The following PKNOX1 variants were observed in gnomAD, a reference collection of about 807,000 sequenced individuals.
PKNOX1 encodes homeobox protein PKNOX1.
Under a neutral mutation model 51.9 loss-of-function variants are expected in PKNOX1, and 15 were observed. The ratio of observed to expected loss-of-function variants is 0.29; its 90% confidence interval spans 0.19 to 0.45. The LOEUF (loss-of-function observed/expected upper bound fraction) is 0.45. Among genes scored for constraint, PKNOX1 ranks in the 20% least tolerant of loss-of-function variants. PKNOX1 has a pLI of 1.00. For synonymous variants in PKNOX1, 219 were observed against 211.1 expected, an observed-to-expected ratio of 1.04 and a Z score of -0.32; for missense variants, 462 against 547.5, an observed-to-expected ratio of 0.84 and a Z score of 1.56.
intron 1 of PKNOX1, among the ~76,000 whole-genome samples, chr21:42,982,894 C>G (rs2059033984): frequency 6.6e-6 from 1 of 152,046 alleles, no homozygotes; most frequent in African/African-American, 2.4e-5. Context: ...CCTGCAACCT[C>G]TGCCTCCCGG....
chr21:43,014,956 G>GA (rs1195659203), intron 5 of PKNOX1, among the ~76,000 whole-genome samples: 26 of 152,328 alleles, frequency 1.7e-4, no homozygotes, highest in Middle Eastern at 6.8e-3. Context: ...TCAATCTGGG[G>GA]AGAATTGACA....
intron 1 of PKNOX1, among the ~76,000 whole-genome samples, chr21:42,979,153 A>T (rs1451983157): frequency 6.6e-6 from 1 of 152,242 alleles, no homozygotes; most frequent in Admixed American, 6.5e-5. Flanking sequence ...AATCCTTTCA[A>T]GCCGCCTTCC....
Position 43,024,638 on chromosome 21 carries a change from C to G in PKNOX1, c.850-233C>G, listed in dbSNP as rs912426284. 2.7e-5 allele frequency: 13 copies of G among 486,792 alleles called. No individual in the cohort carries two copies. The East Asian group carries it at 4.6e-4, about 17-fold the overall frequency. 30.2% of individuals were successfully genotyped at this position (486,792 alleles called of 1,614,324 possible). On this transcript the variant is annotated intron_variant, in intron 8 of 10. Transcript: ENST00000291547. ...TTATCGTCACCGCTGAACCGTTAAACGTGGGGGGCGGTCTGCCTTGGCCTA... is the reference window on the plus strand; with the variant it reads ...TTATCGTCACCGCTGAACCGTTAAAGGTGGGGGGCGGTCTGCCTTGGCCTA...
intron 1 of PKNOX1, among the ~76,000 whole-genome samples, chr21:42,975,887 A>G (rs2058994549): frequency 6.6e-6 from 1 of 152,252 alleles, no homozygotes; most frequent in African/African-American, 2.4e-5. Flanking sequence ...GTCTACTTTC[A>G]TGATTTTTCC....
chr21:43,020,066 G>T (rs1241872660), intron 7 of PKNOX1, among the ~76,000 whole-genome samples: 1 of 151,854 alleles, frequency 6.6e-6, no homozygotes, highest in African/African-American at 2.4e-5. Flanking sequence ...CTGAGTAGTG[G>T]GACTACAGGC....
In PKNOX1 at chr21:43,028,666, G is replaced by T. The variant is rs901847270; in HGVS notation, c.927-36G>T. On this transcript the variant is annotated intron_variant, in intron 9 of 10. Coordinates refer to ENST00000291547, the MANE Select transcript of PKNOX1 (RefSeq NM_004571.5). ...AATCCTGTATAGGGTCTTTACGAAG[G>T]CTGTTTTCATGGAAGCTTCTCTTTG... The T allele has an allele frequency of 8.7e-6, 14 of 1,601,508 alleles. No homozygotes were observed. The South Asian group carries it at 1.3e-4, about 15-fold the overall frequency.
At chr21:43,025,211 C>T (rs1568905180) in intron 9 of PKNOX1, among the ~76,000 whole-genome samples, 1 of 152,114 alleles carries the variant, frequency 6.6e-6, no homozygotes, top group Non-Finnish European at 1.5e-5. Flanking sequence ...TTTTAATGGG[C>T]AATGGGAGCA....
chr21:43,019,984 G>A lies in PKNOX1; in HGVS notation c.721-1319G>A, dbSNP rs546479424. The stretch of plus-strand genomic sequence containing the variant: ...GTCTCGCTCTGTTACCCAGGCTGGA[G>A]TATAGTGGCACAAACACAGCTCACT... On this transcript the variant is annotated intron_variant, in intron 7 of 10. Coordinates refer to ENST00000291547, the MANE Select transcript of PKNOX1 (RefSeq NM_004571.5). Among the ~76,000 whole-genome samples, 3 of 136,492 alleles carry A rather than the reference G, an allele frequency of 2.2e-5. No homozygotes were observed. The South Asian group carries it at 6.9e-4, about 31-fold the overall frequency. 89.5% of individuals were successfully genotyped at this position (136,492 alleles called of 152,430 possible).
intron 9 of PKNOX1, among the ~76,000 whole-genome samples, chr21:43,028,258 G>A (rs1045407761): frequency 1.3e-5 from 2 of 152,194 alleles, no homozygotes; most frequent in Middle Eastern, 3.2e-3. Context: ...GCTCGGCCCC[G>A]TTGGTGATCT....
chr21:42,980,764 A>G (rs2146220503), intron 1 of PKNOX1, among the ~76,000 whole-genome samples: 1 of 152,264 alleles, frequency 6.6e-6, no homozygotes, highest in Non-Finnish European at 1.5e-5. Flanking sequence ...TAGTGACGAG[A>G]TTTTTTGTGA....
intron 8 of PKNOX1, among the ~76,000 whole-genome samples, chr21:43,023,847 C>T (rs1319514366): frequency 6.6e-5 from 10 of 151,934 alleles, no homozygotes; most frequent in Non-Finnish European, 1.5e-4. Flanking sequence ...ATCTCCTGAC[C>T]TCGTGATCTG....
chr21:42,987,194 C>T (rs1482438391), intron 1 of PKNOX1, among the ~76,000 whole-genome samples: 2 of 151,306 alleles, frequency 1.3e-5, no homozygotes, highest in African/African-American at 2.4e-5. Flanking sequence ...CCAGCCTGAC[C>T]AACATGGAGA....
At chr21:42,989,301 G>GTTTTTTTCCA (rs1407418458) in intron 1 of PKNOX1, among the ~76,000 whole-genome samples, 1 of 151,702 alleles carries the variant, frequency 6.6e-6, no homozygotes, top group Non-Finnish European at 1.5e-5. Context: ...GTTTTTTTCA[G>GTTTTTTTCCA]TTTTTTTCCA....
intron 10 of PKNOX1, 98 bp downstream of exon 10, chr21:43,028,972 A>C: frequency 7.7e-7 from 1 of 1,294,784 alleles, no homozygotes; most frequent in Non-Finnish European, 1.1e-6. Context: ...GCCTCAGGTA[A>C]TGTGGTGAAC....
intron 1 of PKNOX1, among the ~76,000 whole-genome samples, chr21:42,979,437 T>G (rs1446802878): frequency 1.3e-5 from 2 of 152,024 alleles, no homozygotes; most frequent in African/African-American, 2.4e-5. Flanking sequence ...CAAAACACAA[T>G]AAAAGGTAAA....
intron 1 of PKNOX1, among the ~76,000 whole-genome samples, chr21:43,003,048 C>T (rs561806727): frequency 1.5e-3 from 227 of 152,324 alleles, no homozygotes; most frequent in Non-Finnish European, 2.4e-3. Flanking sequence ...CAGGACAGGA[C>T]GGTAGTCCTT....
chr21:43,012,398 A>C (rs1979293394), intron 4 of PKNOX1, among the ~76,000 whole-genome samples: 1 of 152,114 alleles, frequency 6.6e-6, no homozygotes. Context: ...CATCTCTACT[A>C]AAAATACAAA....
At chr21:42,976,219 T>C (rs187888155) in intron 1 of PKNOX1, among the ~76,000 whole-genome samples, 2,151 of 151,926 alleles carry the variant, frequency 0.014, 21 homozygotes, top group Non-Finnish European at 0.024. Context: ...AGTATACTAC[T>C]TAAAGTGTGC....
chr21:43,011,408 T>TC (rs1387266102), intron 4 of PKNOX1, among the ~76,000 whole-genome samples: 4 of 152,138 alleles, frequency 2.6e-5, no homozygotes, highest in East Asian at 1.9e-4. Flanking sequence ...TGTGATGCCC[T>TC]CCCCCCAGGG....
Sources: allele counts gnomAD v4.1 joint callset (sites outside exome capture counted in the v4.1 genomes callset), GRCh38; gene constraint gnomAD v4.1.1; transcripts MANE v1.5; gene names NCBI Gene and HGNC (gene_info 2026-07-23, HGNC 2026-07-21).